RAB3GAP1: variants seen among roughly 807,000 people sequenced by gnomAD.
RAB3GAP1 encodes the protein rab3 GTPase-activating protein catalytic subunit.
RAB3GAP1 carries 86 observed loss-of-function variants against 130.7 expected under a neutral mutation model. That is an observed-to-expected ratio of 0.66 (90% confidence interval 0.55 to 0.79). The LOEUF (loss-of-function observed/expected upper bound fraction) is 0.79, where lower values mean the gene tolerates loss of function less well. Ranked by LOEUF, RAB3GAP1 falls within the 30% of genes least tolerant of loss-of-function variation. The pLI is 0.00. For synonymous variants in RAB3GAP1, 367 were observed against 401.7 expected, an observed-to-expected ratio of 0.91 and a Z score of 1.03; for missense variants, 1,029 against 1,169.4, an observed-to-expected ratio of 0.88 and a Z score of 1.75.
intron 3 of RAB3GAP1, among the ~76,000 whole-genome samples, chr2:135,060,588 T>C (rs767138833): frequency 6.6e-6 from 1 of 151,878 alleles, no homozygotes; most frequent in African/African-American, 2.4e-5. Context: ...AATGTTCACA[T>C]GGGTATAACT....
chr2:135,053,179 G>A (rs1364057561), intron 2 of RAB3GAP1, among the ~76,000 whole-genome samples: 1 of 152,192 alleles, frequency 6.6e-6, no homozygotes, highest in Non-Finnish European at 1.5e-5. Flanking sequence ...ATCTCGCTGT[G>A]TTGCCCAGGC....
At chr2:135,110,319 G>T (rs1690761878) in intron 5 of RAB3GAP1, among the ~76,000 whole-genome samples, 1 of 151,998 alleles carries the variant, frequency 6.6e-6, no homozygotes, top group African/African-American at 2.4e-5. Context: ...ATTTTTTGTA[G>T]AGAGTGGGTC....
At chr2:135,123,042 G>A (rs1476448685) in intron 8 of RAB3GAP1, among the ~76,000 whole-genome samples, 1 of 152,026 alleles carries the variant, frequency 6.6e-6, no homozygotes, top group East Asian at 1.9e-4. Context: ...GACAAGTATT[G>A]TCTTTCTTAG....
intron 6 of RAB3GAP1, among the ~76,000 whole-genome samples, chr2:135,114,427 C>T (rs1690906977): frequency 6.6e-6 from 1 of 152,102 alleles, no homozygotes; most frequent in Non-Finnish European, 1.5e-5. Context: ...AATAATTTTG[C>T]TAGAATATTT....
chr2:135,096,455 T>G (rs1431489383), intron 5 of RAB3GAP1, among the ~76,000 whole-genome samples: 3 of 152,194 alleles, frequency 2.0e-5, no homozygotes, highest in Non-Finnish European at 4.4e-5. Context: ...AGTATGACCT[T>G]TTAAAAATTG....
intron 5 of RAB3GAP1, among the ~76,000 whole-genome samples, 177 bp from the exon 6 acceptor site, chr2:135,112,974 A>T (rs1332175828): frequency 2.0e-5 from 3 of 152,180 alleles, no homozygotes; most frequent in Admixed American, 1.3e-4. Flanking sequence ...TAGGTGGATG[A>T]TGGAAGTGCT....
intron 3 of RAB3GAP1, among the ~76,000 whole-genome samples, chr2:135,079,857 C>A (rs560097225): frequency 1.3e-5 from 2 of 152,200 alleles, no homozygotes. Context: ...TGGCTGGGCG[C>A]GGTGGCTCAC....
chr2:135,073,398 T>C (rs770024390), intron 3 of RAB3GAP1, among the ~76,000 whole-genome samples: 69 of 152,330 alleles, frequency 4.5e-4, no homozygotes, highest in Non-Finnish European at 8.4e-4. Context: ...CAATGTCTGA[T>C]TTGGAAGCCA....
chr2:135,092,506 A>C (rs1373228813), intron 4 of RAB3GAP1, among the ~76,000 whole-genome samples: 3 of 152,124 alleles, frequency 2.0e-5, no homozygotes, highest in Non-Finnish European at 2.9e-5. Context: ...GCGCGATCTC[A>C]GCTCACTGCA....
At chr2:135,098,532 T>C (rs1690363264) in intron 5 of RAB3GAP1, among the ~76,000 whole-genome samples, 1 of 152,188 alleles carries the variant, frequency 6.6e-6, no homozygotes, top group East Asian at 1.9e-4. Context: ...AATTATTTTA[T>C]TTTGGAATTA....
At position 135,124,177 on chromosome 2, in the gene RAB3GAP1, T is replaced by C. The variant is rs1438609920; in HGVS notation, c.761T>C (p.Leu254Pro). Residue 254 changes from leucine to proline, a missense_variant, in exon 9 of 24, where the codon CTT becomes CCT. Leu to Pro is a moderately conservative substitution (Grantham distance 98, BLOSUM62 -3). Coordinates refer to ENST00000264158, the MANE Select transcript of RAB3GAP1 (RefSeq NM_012233.3). ...WPQQPPDIDA[L>P]VGGEVGGLEF... Reference sequence around the variant, plus strand: ...TTCTTTTGTTTAGACATAGATGCCCTTGTAGGAGGAGAAGTTGGAGGCTTG... The same window carrying C: ...TTCTTTTGTTTAGACATAGATGCCCCTGTAGGAGGAGAAGTTGGAGGCTTG... The C allele has an allele frequency of 2.5e-6, 4 of 1,613,932 alleles. No individual in the cohort carries two copies. In the Admixed American group the frequency reaches 5.0e-5, roughly 20 times the overall value.
At chr2:135,059,038 G>A (rs932106792) in intron 3 of RAB3GAP1, 1 of 151,966 alleles carries the variant, frequency 6.6e-6, no homozygotes, top group Admixed American at 6.6e-5. Flanking sequence ...AGGCAACATG[G>A]TGAGACCCTG....
chr2:135,081,380 GTA>G (rs1204879279), intron 3 of RAB3GAP1, among the ~76,000 whole-genome samples: 98 of 108,870 alleles, frequency 9.0e-4, no homozygotes, highest in East Asian at 2.5e-3. Context: ...GTGTGTGTGT[GTA>G]TATATATATG....
At chr2:135,084,455 C>T (rs1001223468) in intron 3 of RAB3GAP1, among the ~76,000 whole-genome samples, 5 of 152,072 alleles carry the variant, frequency 3.3e-5, no homozygotes, top group East Asian at 1.9e-4. Flanking sequence ...GATCTGCAAA[C>T]GATTTTTAGT....
Position 135,093,783 on chromosome 2 carries a change from C to T in RAB3GAP1, c.362+90C>T, listed in dbSNP as rs1690217375. The T allele has an allele frequency of 3.0e-6, 3 of 984,234 alleles. No individual in the cohort carries two copies. The Admixed American group carries it at 5.1e-5, about 17-fold the overall frequency. The allele number at this position is 984,234 out of a possible 1,614,324, so 61.0% of individuals were successfully genotyped here. On this transcript the variant is annotated intron_variant, in intron 5 of 23. Transcript: ENST00000264158. ...CAAGTTCAGTGATTTGCTAAGAAGA[C>T]TCAGAGGACTCAGCATTTAATTGCA...
chr2:135,104,438 A>G (rs1171250024), intron 5 of RAB3GAP1, among the ~76,000 whole-genome samples: 3 of 152,228 alleles, frequency 2.0e-5, no homozygotes, highest in Non-Finnish European at 2.9e-5. Flanking sequence ...TAGATATTAG[A>G]TTTAGCAATA....
chr2:135,135,741 T>C lies in RAB3GAP1; in HGVS notation c.1732T>C (p.Trp578Arg). Residue 578 changes from tryptophan to arginine, a missense_variant, in exon 17 of 24, where the codon TGG becomes CGG. Coordinates refer to ENST00000264158, the MANE Select transcript of RAB3GAP1 (RefSeq NM_012233.3). Reference sequence around the variant, plus strand: ...AGAGGTAGGAAAATCTTGGGATTCCTGGAGTGACAGCGAAGAAGAATTTTT... The same window carrying C: ...AGAGGTAGGAAAATCTTGGGATTCCCGGAGTGACAGCGAAGAAGAATTTTT... ...KGEVGKSWDS[W>R]SDSEEEFFEC... 6.2e-7 allele frequency: 1 copy of C among 1,613,978 alleles called. No homozygotes were observed. The highest frequency in any genetic ancestry group is 8.5e-7 in the Non-Finnish European group (1 of 1,179,922).
rs369329523 is a variant in RAB3GAP1 at position 135,106,863 on chromosome 2, A to G, written c.363-6288A>G. Among the ~76,000 whole-genome samples the G allele has an allele frequency of 2.2e-4, 33 of 152,128 alleles. No individual in the cohort carries two copies. The South Asian group carries it at 5.8e-3, about 27-fold the overall frequency. On this transcript the variant is annotated intron_variant, in intron 5 of 23. Transcript: ENST00000264158. ...GGCTGAGAATTTTCCAAATTTGATT[A>G]AAAACACTCAGAACTGGAAGTCTTA... is the stretch of plus-strand genomic sequence containing the variant.
At chr2:135,117,809 T>TTCTTCTTTCTTCTTCTTTC in intron 7 of RAB3GAP1, among the ~76,000 whole-genome samples, 1 of 110,382 alleles carries the variant, frequency 9.1e-6, no homozygotes, top group African/African-American at 3.3e-5. Context: ...CTTCTTCTTC[T>TTCTTCTTTCTTCTTCTTTC]TTCTTCTTCT....
Sources: gnomAD v4.1 joint callset for allele counts (sites outside exome capture counted in the v4.1 genomes callset) on GRCh38, gnomAD v4.1.1 for gene constraint, MANE v1.5 for transcripts, NCBI Gene and HGNC (gene_info 2026-07-23, HGNC 2026-07-21) for gene names.